DDX24: variants seen among roughly 807,000 people sequenced by gnomAD.
The protein encoded by DDX24 is ATP-dependent RNA helicase DDX24.
DDX24 carries 24 observed loss-of-function variants against 68.9 expected under a neutral mutation model. The ratio of observed to expected loss-of-function variants is 0.35; its 90% CI spans 0.25 to 0.49. The LOEUF (loss-of-function observed/expected upper bound fraction) is 0.49, where lower values mean the gene tolerates loss of function less well. DDX24 is among the 20% of genes least tolerant of loss of function. The pLI is 0.99. For missense variants in DDX24, 989 were observed against 1,039.0 expected (o/e 0.95, Z 0.66); for synonymous variants, 395 against 385.2 (o/e 1.03, Z -0.30).
chr14:94,075,758 A>G (rs1207028803), intron 2 of DDX24, among the ~76,000 whole-genome samples: 2 of 152,242 alleles, frequency 1.3e-5, no homozygotes, highest in Non-Finnish European at 1.5e-5. Context: ...CAAATCTCAC[A>G]TCTGATAAAG....
At chr14:94,056,950 A>G (rs1220989852) in intron 6 of DDX24, 2 of 152,226 alleles carry the variant, frequency 1.3e-5, no homozygotes, top group Non-Finnish European at 2.9e-5. Context: ...CAGCAGCCTA[A>G]AAGATTTTTA....
In DDX24 at chr14:94,050,349, C is replaced by T. The variant is rs1042294817; in HGVS notation, c.*842G>A. 2 of 152,226 alleles carry T rather than the reference C, an allele frequency of 1.3e-5. No homozygotes were observed. The highest frequency in any genetic ancestry group is 4.8e-5 in the African/African-American group (2 of 41,424). 9.4% of individuals were successfully genotyped at this position (152,226 alleles called of 1,614,324 possible). On this transcript the variant is annotated 3_prime_UTR_variant, in exon 9 of 9. Transcript: ENST00000621632. ...GGGAGCCCCAGGAGAAGCACTGCTT[C>T]CCCTTAGAGGCTCAGGACTAGAGGA...
chr14:94,067,967 C>T (rs1007714827), intron 2 of DDX24, among the ~76,000 whole-genome samples: 3 of 152,102 alleles, frequency 2.0e-5, no homozygotes, highest in Admixed American at 1.3e-4. Flanking sequence ...CTAAAGTACA[C>T]AGGCAACAAA....
intron 6 of DDX24, chr14:94,057,475 C>A: frequency 4.5e-6 from 1 of 222,096 alleles, no homozygotes; most frequent in Non-Finnish European, 8.7e-6. Context: ...GGGATTTGAG[C>A]CCAGAGAGAT....
At chr14:94,067,040 C>T (rs1444085554) in intron 2 of DDX24, among the ~76,000 whole-genome samples, 1 of 152,106 alleles carries the variant, frequency 6.6e-6, no homozygotes, top group African/African-American at 2.4e-5. Flanking sequence ...TTAAGCTAAT[C>T]AGGGAGGGAC....
intron 2 of DDX24, among the ~76,000 whole-genome samples, chr14:94,071,989 C>T (rs1484549965): frequency 1.3e-5 from 2 of 152,074 alleles, no homozygotes; most frequent in Admixed American, 6.6e-5. Context: ...ACAAGGAACA[C>T]TTCTATGTCC....
chr14:94,080,808 G>A (rs1403808479), intron 1 of DDX24, among the ~76,000 whole-genome samples: 5 of 152,226 alleles, frequency 3.3e-5, no homozygotes, highest in Admixed American at 3.3e-4. Flanking sequence ...GCCAGGCAGA[G>A]TAGAAGGGCC....
Position 94,058,466 on chromosome 14 carries a change from G to A in DDX24, c.1914-569C>T, listed in dbSNP as rs377085336. Among the ~76,000 whole-genome samples, 8 of 152,236 alleles carry A rather than the reference G, an allele frequency of 5.3e-5. No individual in the cohort carries two copies. In the East Asian group the frequency reaches 1.5e-3, roughly 29 times the overall value. ...AACCCCTGCTCGACTTACTTCTTAG[G>A]ATCACTTGGCAGACTGTGGGCTTAC... On this transcript the variant is annotated intron_variant, in intron 5 of 8. Coordinates refer to ENST00000621632, the MANE Select transcript of DDX24 (RefSeq NM_020414.4).
At chr14:94,077,927 G>A (rs532002397) in intron 2 of DDX24, among the ~76,000 whole-genome samples, 5 of 150,982 alleles carry the variant, frequency 3.3e-5, no homozygotes, top group Non-Finnish European at 7.4e-5. Flanking sequence ...TAAAAAATGT[G>A]ACTCCTAGTA....
chr14:94,054,853 T>C, intron 7 of DDX24, 143 bp downstream of exon 7: 1 of 986,246 alleles, frequency 1.0e-6, no homozygotes, highest in South Asian at 1.6e-5. Flanking sequence ...CTCTCAATCC[T>C]TTCTACAAGT....
At position 94,079,642 on chromosome 14, in the gene DDX24, A is replaced by G. The variant is rs774721070; in HGVS notation, c.101T>C (p.Ile34Thr). 1.2e-6 allele frequency: 2 copies of G among 1,614,146 alleles called. No individual in the cohort carries two copies. The highest frequency in any genetic ancestry group is 1.7e-6 in the Non-Finnish European group (2 of 1,180,032). The change falls in exon 2 of 9, where the codon ATT (isoleucine) becomes ACT (threonine). Residue 34 changes from isoleucine to threonine, a missense_variant. This residue lies in a region of DDX24 where 295 missense variants were observed against 263.0 expected (regional missense o/e 1.12). Coordinates refer to ENST00000621632, the MANE Select transcript of DDX24 (RefSeq NM_020414.4). ...KVVGKWKEVK[I>T]DPNMFADGQM... ...TCCATCTGCAAACATATTTGGGTCA[A>G]TCTTCACTTCCTTCCATTTTCCCAC...
At chr14:94,077,786 C>G (rs1004265091) in intron 2 of DDX24, among the ~76,000 whole-genome samples, 1 of 151,632 alleles carries the variant, frequency 6.6e-6, no homozygotes, top group Admixed American at 6.6e-5. Flanking sequence ...ACCCAAAGCA[C>G]GTGTCTACTG....
chr14:94,074,191 C>T (rs1885890246), intron 2 of DDX24, among the ~76,000 whole-genome samples: 2 of 152,086 alleles, frequency 1.3e-5, no homozygotes. Context: ...AAATGTCAAT[C>T]CTGTATAAAT....
rs1426400905 is a variant in DDX24 at position 94,079,062 on chromosome 14, G to A, written c.681C>T (p.Ile227=). 3.7e-6 allele frequency: 6 copies of A among 1,614,138 alleles called. No individual in the cohort carries two copies. Among genetic ancestry groups the A allele is most frequent in the Middle Eastern group, 1.7e-4 (1 of 6,054 alleles). The change falls in exon 2 of 9, where the codon ATC becomes ATT. Residue 227 remains isoleucine (I), a synonymous_variant. Coordinates refer to ENST00000621632, the MANE Select transcript of DDX24 (RefSeq NM_020414.4). The part of the protein sequence containing the change: ...PIQALTLAPA[I]RDKLDILGAA... Reference sequence around the variant, plus strand: ...CCCCAAGGATGTCCAGTTTGTCACGGATGGCAGGTGCCAAGGTCAGGGCTT... The same window carrying A: ...CCCCAAGGATGTCCAGTTTGTCACGAATGGCAGGTGCCAAGGTCAGGGCTT...
Position 94,055,009 on chromosome 14 carries a change from A to G in DDX24, c.2165T>C (p.Met722Thr). 6.2e-7 allele frequency: 1 copy of G among 1,614,098 alleles called. No individual in the cohort carries two copies. Among genetic ancestry groups the G allele is most frequent in the East Asian group, 2.2e-5 (1 of 44,876 alleles). The change falls in exon 7 of 9, where the codon ATG becomes ACG. Residue 722 changes from methionine (M) to threonine (T), a missense_variant. Around this residue, in one of 3 missense-constraint regions of DDX24, gnomAD observed 691 missense variants for 760.0 expected, o/e 0.91. Transcript: ENST00000621632. ...ACTGCTTTCTACCTTGACCACATCC[A>G]TGTATTTTGTCTGCACGGGGAACAG... ...IPLFPVQTKYMDVVKERIRLA... is the reference protein window; with the variant it reads ...IPLFPVQTKYTDVVKERIRLA...
chr14:94,052,920 A>T, intron 8 of DDX24, 78 bp downstream of exon 8: 1 of 1,539,068 alleles, frequency 6.5e-7, no homozygotes, highest in African/African-American at 1.4e-5. Flanking sequence ...GACCCACAGT[A>T]GTAGAGATGG....
chr14:94,055,323 T>A, intron 6 of DDX24, 139 bp from the exon 7 acceptor site: 2 of 790,602 alleles, frequency 2.5e-6, no homozygotes, highest in East Asian at 5.4e-5. Context: ...TAGAGCAATC[T>A]AGCCCTCCTC....
At position 94,050,991 on chromosome 14, in the gene DDX24, A is replaced by G; in HGVS notation, c.*200T>C. 2.0e-6 allele frequency: 1 copy of G among 492,924 alleles called. No individual in the cohort carries two copies. Among genetic ancestry groups the G allele is most frequent in the Non-Finnish European group, 3.4e-6 (1 of 296,282 alleles). The allele number at this position is 492,924 out of a possible 1,614,324, so 30.5% of individuals were successfully genotyped here. On this transcript the variant is annotated 3_prime_UTR_variant, in exon 9 of 9. Transcript: ENST00000621632. ...GAAGCCTATAAACACTGCAATACAG[A>G]AAAATTAAGCTGCTGCATTGAATTC...
At chr14:94,053,188 G>A in intron 7 of DDX24, 61 bp from the exon 8 acceptor site, 2 of 1,608,544 alleles carry the variant, frequency 1.2e-6, no homozygotes, top group South Asian at 2.2e-5. Flanking sequence ...GGGAAGCAAA[G>A]TCTCACTTGA....
Sources: gnomAD v4.1 joint callset for allele counts (sites outside exome capture counted in the v4.1 genomes callset) on GRCh38, gnomAD v4.1.1 for gene constraint, gnomAD v4.1.1 regional missense constraint, MANE v1.5 for transcripts, NCBI Gene and HGNC (gene_info 2026-07-23, HGNC 2026-07-21) for gene names.